Variants in NCKAP1L observed in about 807,000 individuals in gnomAD.
NCKAP1L encodes the protein NCK associated protein 1 like.
In NCKAP1L, 53 loss-of-function variants were observed where a neutral mutation model predicts 139.2. That is an observed-to-expected ratio of 0.38 (90% CI 0.31 to 0.48). The LOEUF is 0.48. NCKAP1L is among the 20% of genes least tolerant of loss of function. The pLI is 0.98. For synonymous variants in NCKAP1L, 468 were observed against 499.7 expected, an observed-to-expected ratio of 0.94 and a Z score of 0.85; for missense variants, 1,151 against 1,381.9, an observed-to-expected ratio of 0.83 and a Z score of 2.65.
chr12:54,503,237 G>C (rs1956814934), intron 3 of NCKAP1L, among the ~76,000 whole-genome samples: 1 of 151,620 alleles, frequency 6.6e-6, no homozygotes, highest in Admixed American at 6.6e-5. Flanking sequence ...ATAGTTTTTG[G>C]GAGCAATACT....
Position 54,497,874 on chromosome 12 carries a change from A to T in NCKAP1L, c.85A>T (p.Met29Leu), listed in dbSNP as rs1438624274. The T allele has an allele frequency of 6.2e-7, 1 of 1,603,606 alleles. No homozygotes were observed. Among genetic ancestry groups the T allele is most frequent in the Non-Finnish European group, 8.5e-7 (1 of 1,170,332 alleles). Reference protein sequence around the residue: ...NDRGQGVLIRMYNIKKTCSDP... With the variant: ...NDRGQGVLIRLYNIKKTCSDP... Reference sequence around the variant, plus strand: ...TCGCGGTCAGGGGGTTCTCATCCGTATGTATAACATCAAGAAGGTAAGCAT... The same window carrying T: ...TCGCGGTCAGGGGGTTCTCATCCGTTTGTATAACATCAAGAAGGTAAGCAT... The change falls in exon 1 of 31, where the codon ATG (methionine) becomes TTG (leucine). Residue 29 changes from methionine to leucine, a missense_variant. Transcript: ENST00000293373.
At chr12:54,509,625 T>C (rs1476491040) in intron 5 of NCKAP1L, 44 bp from the exon 6 acceptor site, 11 of 1,357,974 alleles carry the variant, frequency 8.1e-6, no homozygotes, top group Non-Finnish European at 9.5e-6. Context: ...GTTCAAGTCA[T>C]GGGTAAGGGA....
intron 9 of NCKAP1L, among the ~76,000 whole-genome samples, chr12:54,514,138 C>A (rs1179561463): frequency 2.6e-5 from 4 of 152,010 alleles, no homozygotes; most frequent in African/African-American, 9.7e-5. Flanking sequence ...GAATATCAGT[C>A]TATAGAGACT....
intron 28 of NCKAP1L, 72 bp downstream of exon 28, chr12:54,536,317 G>A: frequency 9.1e-7 from 1 of 1,101,342 alleles, no homozygotes; most frequent in Non-Finnish European, 1.4e-6. Flanking sequence ...AGGAGACAGA[G>A]ATACTGGAAA....
Position 54,509,985 on chromosome 12 carries a change from A to G in NCKAP1L, c.735A>G (p.Thr245=), listed in dbSNP as rs1449078881. The part of the protein sequence containing the change: ...PAMINPANSD[T]MACEYLSVEV... Reference sequence around the variant, plus strand: ...TGATTAACCCTGCTAATTCAGATACAGTGAGTGCCCTTTTCCTTTTGTTAG... The same window carrying G: ...TGATTAACCCTGCTAATTCAGATACGGTGAGTGCCCTTTTCCTTTTGTTAG... The change falls in exon 7 of 31, where the codon ACA becomes ACG. Residue 245 remains threonine, a splice_region_variant and synonymous_variant. Transcript: ENST00000293373. 3 of 1,614,036 alleles carry G rather than the reference A, an allele frequency of 1.9e-6. No homozygotes were observed. Among genetic ancestry groups the G allele is most frequent in the Non-Finnish European group, 2.5e-6 (3 of 1,180,020 alleles).
intron 20 of NCKAP1L, among the ~76,000 whole-genome samples, chr12:54,526,142 C>A (rs933035892): frequency 6.6e-6 from 1 of 152,178 alleles, no homozygotes; most frequent in African/African-American, 2.4e-5. Context: ...AATACTTTCA[C>A]TGGGAATGCA....
chr12:54,508,418 C>A lies in NCKAP1L; in HGVS notation c.393C>A (p.Tyr131Ter). ...INLNFDFTRS[Y>*]LDLIVTYTSV... is the part of the protein sequence containing the mutation. ...TCAACTTTGATTTCACTCGGAGTTA[C>A]CTGGACTTGATTGTAACTTACACCT... The change falls in exon 5 of 31, where the codon TAC becomes TAA. Residue 131 changes from tyrosine (Y) to a stop codon, truncating the protein, a stop_gained. Transcript: ENST00000293373. LOFTEE classifies it high-confidence loss of function. The A allele has an allele frequency of 6.2e-7, 1 of 1,614,106 alleles. No individual in the cohort carries two copies. The highest frequency in any genetic ancestry group is 8.5e-7 in the Non-Finnish European group (1 of 1,179,966).
chr12:54,526,516 T>TA lies in NCKAP1L; in HGVS notation c.2157-9dup. The TA allele has an allele frequency of 6.2e-7, 1 of 1,600,608 alleles. No homozygotes were observed. The highest frequency in any genetic ancestry group is 8.6e-7 in the Non-Finnish European group (1 of 1,168,670). On this transcript the variant is annotated splice_polypyrimidine_tract_variant and intron_variant, in intron 20 of 30. Transcript: ENST00000293373. Reference sequence around the variant, plus strand: ...GATTGTAATTCTAATTTTTTTTTTTTAAATCACCTAGAGCCATTGTGTGGC... The same window carrying TA: ...GATTGTAATTCTAATTTTTTTTTTTTAAAATCACCTAGAGCCATTGTGTGGC...
intron 18 of NCKAP1L, 42 bp downstream of exon 18, chr12:54,521,280 G>T (rs772567124): frequency 1.2e-6 from 2 of 1,607,472 alleles, no homozygotes; most frequent in Admixed American, 1.7e-5. Context: ...CTCTGCCAGC[G>T]CTCAGTGCCT....
At chr12:54,508,347 T>C (rs745909427) in intron 4 of NCKAP1L, 42 bp from the exon 5 acceptor site, 4 of 1,609,048 alleles carry the variant, frequency 2.5e-6, no homozygotes, top group Non-Finnish European at 3.4e-6. Flanking sequence ...TCCAGGTTAA[T>C]TGGCCATGCT....
chr12:54,547,581 G>A lies in NCKAP1L; in HGVS notation c.*4896G>A, dbSNP rs1049956103. ...GGAGCAGGGGGTCTTGGGAGAGCAGGATGTGACACTGTGTTAACAAGAAAT... is the reference window on the plus strand; with the variant it reads ...GGAGCAGGGGGTCTTGGGAGAGCAGAATGTGACACTGTGTTAACAAGAAAT... On this transcript the variant is annotated 3_prime_UTR_variant, in exon 31 of 31. Transcript: ENST00000293373. The A allele has an allele frequency of 6.6e-6, 1 of 151,758 alleles. No individual in the cohort carries two copies. Among genetic ancestry groups the A allele is most frequent in the Non-Finnish European group, 1.5e-5 (1 of 68,044 alleles). 9.4% of individuals were successfully genotyped at this position (151,758 alleles called of 1,614,324 possible).
At chr12:54,506,796 A>AAAAAAAAAAAAAATATATATAT in intron 3 of NCKAP1L, among the ~76,000 whole-genome samples, 2 of 50,606 alleles carry the variant, frequency 4.0e-5, no homozygotes, top group East Asian at 2.2e-3. Context: ...AAAAAAAAAA[A>AAAAAAAAAAAAAATATATATAT]ATATATATAT....
chr12:54,536,118 C>T lies in NCKAP1L; in HGVS notation c.2957-11C>T. On this transcript the variant is annotated splice_polypyrimidine_tract_variant and intron_variant, in intron 27 of 30. Transcript: ENST00000293373. ...TTCACTTTTCCTCTTTTCCTTTTTC[C>T]CTCTCACCAGATACTTCATCTCCTG... is the stretch of plus-strand genomic sequence containing the variant. 6.3e-7 allele frequency: 1 copy of T among 1,589,636 alleles called. No homozygotes were observed.
intron 3 of NCKAP1L, 59 bp downstream of exon 3, chr12:54,500,684 T>G: frequency 9.3e-7 from 1 of 1,076,672 alleles, no homozygotes; most frequent in Non-Finnish European, 1.4e-6. Context: ...TATTCTTTCT[T>G]TAGATGTTCA....
chr12:54,501,355 G>A (rs1226798625), intron 3 of NCKAP1L, among the ~76,000 whole-genome samples: 1 of 152,118 alleles, frequency 6.6e-6, no homozygotes, highest in African/African-American at 2.4e-5. Context: ...ATCGTATGTT[G>A]ATGGACACTT....
chr12:54,542,746 A>C lies in NCKAP1L; in HGVS notation c.*61A>C. ...CTTCCTAAACCCTTGCCATAGTGGA[A>C]GCTGTGGTCACTTTCGCAGGGGGTG... On this transcript the variant is annotated 3_prime_UTR_variant, in exon 31 of 31. Coordinates refer to ENST00000293373, the MANE Select transcript of NCKAP1L (RefSeq NM_005337.5). The C allele has an allele frequency of 2.6e-6, 2 of 761,790 alleles. No individual in the cohort carries two copies. Among genetic ancestry groups the C allele is most frequent in the Non-Finnish European group, 4.3e-6 (2 of 462,858 alleles). The allele number at this position is 761,790 out of a possible 1,614,324, so 47.2% of individuals were successfully genotyped here. A position where few individuals can be genotyped will look rare whatever the true frequency, so the allele number is the denominator to read the frequency against.
intron 20 of NCKAP1L, among the ~76,000 whole-genome samples, chr12:54,525,535 C>T (rs900228602): frequency 2.0e-5 from 3 of 152,132 alleles, no homozygotes; most frequent in Non-Finnish European, 4.4e-5. Flanking sequence ...TCAAGTTTTA[C>T]CCGAATAATC....
Position 54,539,042 on chromosome 12 carries a change from G to C in NCKAP1L, c.3273+69G>C, listed in dbSNP as rs1957136339. The stretch of plus-strand genomic sequence containing the variant: ...GGCCAGAGGGAGACTTCTGTTTAGG[G>C]TCTTTGCATCCTTGCCATTCTTGTC... On this transcript the variant is annotated intron_variant, in intron 30 of 30. Coordinates refer to ENST00000293373, the MANE Select transcript of NCKAP1L (RefSeq NM_005337.5). The C allele has an allele frequency of 2.2e-6, 3 of 1,358,764 alleles. 1 individual carries two copies. In the Admixed American group the frequency reaches 5.2e-5, roughly 23 times the overall value. The allele number at this position is 1,358,764 out of a possible 1,614,324, so 84.2% of individuals were successfully genotyped here. A position where few individuals can be genotyped will look rare whatever the true frequency, so the allele number is the denominator to read the frequency against.
intron 20 of NCKAP1L, 24 bp from the exon 21 acceptor site, chr12:54,526,504 A>T (rs946726414): frequency 1.1e-4 from 130 of 1,195,770 alleles, no homozygotes; most frequent in East Asian, 4.3e-4. Flanking sequence ...TGTAATTCTA[A>T]TTTTTTTTTT....
Sources: gnomAD v4.1 joint callset for allele counts (sites outside exome capture counted in the v4.1 genomes callset) on GRCh38, gnomAD v4.1.1 for gene constraint, MANE v1.5 for transcripts, NCBI Gene and HGNC (gene_info 2026-07-23, HGNC 2026-07-21) for gene names.